PCDH7: variants seen among roughly 807,000 people sequenced by gnomAD.
PCDH7 encodes protocadherin-7.
Under a neutral mutation model 58.9 loss-of-function variants are expected in PCDH7, and 17 were observed. That is an observed-to-expected ratio of 0.29 (90% CI 0.20 to 0.43). The LOEUF is 0.43. Among genes scored for constraint, PCDH7 ranks in the 20% least tolerant of loss-of-function variants. PCDH7 has a pLI of 1.00. For synonymous variants in PCDH7, 664 were observed against 616.4 expected, an observed-to-expected ratio of 1.08 and a Z score of -1.14; for missense variants, 1,274 against 1,441.0, an observed-to-expected ratio of 0.88 and a Z score of 1.88.
At chr4:30,741,778 G>T (rs868382871) in intron 1 of PCDH7, among the ~76,000 whole-genome samples, 2 of 152,282 alleles carry the variant, frequency 1.3e-5, no homozygotes, top group Middle Eastern at 6.8e-3. Context: ...ATTAGGGGAT[G>T]GAACAATCTG....
At chr4:31,025,201 G>A (rs1754329290) in intron 3 of PCDH7, among the ~76,000 whole-genome samples, 1 of 152,176 alleles carries the variant, frequency 6.6e-6, no homozygotes, top group South Asian at 2.1e-4. Flanking sequence ...CCAAGAAAAG[G>A]AAAGGTTAAC....
At chr4:30,956,086 C>T (rs1166517143) in intron 3 of PCDH7, among the ~76,000 whole-genome samples, 4 of 150,556 alleles carry the variant, frequency 2.7e-5, no homozygotes, top group East Asian at 2.0e-4. Context: ...AGGTGGTGCA[C>T]GCCTGTAGTC....
intron 1 of PCDH7, among the ~76,000 whole-genome samples, chr4:30,745,988 C>T (rs1330408298): frequency 2.0e-5 from 3 of 152,018 alleles, no homozygotes; most frequent in Admixed American, 6.6e-5. Context: ...TACAGGCATG[C>T]ACCACCACAT....
Position 30,909,499 on chromosome 4 carries a change from A to T in PCDH7, c.71-10654A>T, listed in dbSNP as rs543068937. On this transcript the variant is annotated intron_variant, in intron 1 of 3. Transcript: ENST00000509759. The stretch of plus-strand genomic sequence containing the variant: ...CAGCAAAGTCTCAGGATACAAAATC[A>T]ATGTGCAAAAATCACAAGCATTCCT... Among the ~76,000 whole-genome samples the T allele has an allele frequency of 2.0e-5, 3 of 152,350 alleles. No homozygotes were observed. The East Asian group carries it at 5.8e-4, about 29-fold the overall frequency.
At chr4:30,733,402 T>C (rs1715793375), downstream of PCDH7, among the ~76,000 whole-genome samples, 1 of 152,156 alleles carries the variant, frequency 6.6e-6, no homozygotes, top group Non-Finnish European at 1.5e-5. Flanking sequence ...ATGGAATTAA[T>C]ATATTATAAA....
intron 1 of PCDH7, among the ~76,000 whole-genome samples, chr4:30,893,979 C>G (rs1315774524): frequency 6.6e-6 from 1 of 152,134 alleles, no homozygotes; most frequent in Non-Finnish European, 1.5e-5. Flanking sequence ...ATTCATACTT[C>G]TCTAGATGAA....
chr4:31,131,980 T>C (rs1719048709), intron 3 of PCDH7, among the ~76,000 whole-genome samples: 1 of 152,162 alleles, frequency 6.6e-6, no homozygotes, highest in Admixed American at 6.5e-5. Flanking sequence ...CTACTTCAAA[T>C]ATGATTTGAA....
intron 1 of PCDH7, among the ~76,000 whole-genome samples, chr4:30,889,560 G>A (rs988293256): frequency 6.6e-6 from 1 of 152,048 alleles, no homozygotes; most frequent in Admixed American, 6.6e-5. Flanking sequence ...AACTGTTTGA[G>A]CTACCATAAC....
At chr4:31,037,283 C>A (rs73815167) in intron 3 of PCDH7, among the ~76,000 whole-genome samples, 13,850 of 152,160 alleles carry the variant, frequency 0.091, 735 homozygotes, top group South Asian at 0.18. Context: ...TTGGGAATAA[C>A]AATGTAACCT....
intron 3 of PCDH7, among the ~76,000 whole-genome samples, chr4:31,140,404 A>T (rs1420683839): frequency 6.6e-6 from 1 of 152,090 alleles, no homozygotes; most frequent in Non-Finnish European, 1.5e-5. Flanking sequence ...CACATTCATA[A>T]AGATTTTTTT....
intron 1 of PCDH7, among the ~76,000 whole-genome samples, chr4:30,786,308 T>A (rs1723385757): frequency 6.6e-6 from 1 of 152,080 alleles, no homozygotes; most frequent in African/African-American, 2.4e-5. Context: ...ATCTTAGGGA[T>A]GTGCAAGTTG....
intron 3 of PCDH7, among the ~76,000 whole-genome samples, chr4:31,010,805 A>G (rs1753116322): frequency 5.3e-5 from 8 of 151,898 alleles, no homozygotes. Context: ...ATAAGAAGAA[A>G]AAAGGTCTCA....
intron 1 of PCDH7, among the ~76,000 whole-genome samples, chr4:30,726,988 G>A (rs116274051): frequency 0.013 from 1,906 of 151,724 alleles, 33 homozygotes; most frequent in African/African-American, 0.044. Flanking sequence ...AATTTTTACA[G>A]AACTGCCAAA....
At chr4:31,054,375 A>G (rs956271943) in intron 3 of PCDH7, among the ~76,000 whole-genome samples, 2 of 152,174 alleles carry the variant, frequency 1.3e-5, no homozygotes, top group African/African-American at 2.4e-5. Context: ...AAAATTATTA[A>G]CATGTCCAAG....
intron 2 of PCDH7, among the ~76,000 whole-genome samples, chr4:30,921,482 GAATAT>G (rs1198062522): frequency 6.6e-6 from 1 of 151,946 alleles, no homozygotes; most frequent in Non-Finnish European, 1.5e-5. Context: ...TCCAATATTA[GAATAT>G]AATATATTAT....
At chr4:30,917,420 G>A (rs1269502720) in intron 1 of PCDH7, among the ~76,000 whole-genome samples, 2 of 151,914 alleles carry the variant, frequency 1.3e-5, no homozygotes, top group Non-Finnish European at 2.9e-5. Flanking sequence ...CCATACTATA[G>A]CATTCTAATT....
chr4:30,908,911 C>T (rs757658186), intron 1 of PCDH7, among the ~76,000 whole-genome samples: 1 of 152,122 alleles, frequency 6.6e-6, no homozygotes, highest in Non-Finnish European at 1.5e-5. Context: ...CCCTGATGAA[C>T]ATCCATGTGA....
At chr4:30,903,676 C>T (rs1578231702) in intron 1 of PCDH7, among the ~76,000 whole-genome samples, 1 of 152,064 alleles carries the variant, frequency 6.6e-6, no homozygotes, top group Non-Finnish European at 1.5e-5. Flanking sequence ...AAAGATTGCT[C>T]AATTTATAGT....
chr4:30,789,958 G>C (rs1723903474), intron 1 of PCDH7, among the ~76,000 whole-genome samples: 1 of 152,116 alleles, frequency 6.6e-6, no homozygotes, highest in Non-Finnish European at 1.5e-5. Flanking sequence ...GCTATCTACA[G>C]CAGAAGAACA....
Sources: gnomAD v4.1 joint callset for allele counts (sites outside exome capture counted in the v4.1 genomes callset) on GRCh38, gnomAD v4.1.1 for gene constraint, MANE v1.5 for transcripts, NCBI Gene and HGNC (gene_info 2026-07-23, HGNC 2026-07-21) for gene names.